Variants in SH3GL2 observed in about 807,000 individuals in gnomAD.
SH3GL2 encodes the protein endophilin-A1.
Under a neutral mutation model 46.0 loss-of-function variants are expected in SH3GL2, and 24 were observed. That is an observed-to-expected ratio of 0.52 (90% CI 0.38 to 0.73). The LOEUF is 0.73. Ranked by LOEUF, SH3GL2 falls within the 30% of genes least tolerant of loss-of-function variation. The pLI is 0.00. For synonymous variants in SH3GL2, 196 were observed against 147.1 expected (o/e 1.33, Z -2.40); for missense variants, 413 against 424.2 (o/e 0.97, Z 0.23).
intron 2 of SH3GL2, among the ~76,000 whole-genome samples, chr9:17,752,632 G>C (rs1423145504): frequency 6.6e-6 from 1 of 152,138 alleles, no homozygotes; most frequent in Admixed American, 6.5e-5. Flanking sequence ...CAAGTAGCTA[G>C]GACTACCAGC....
chr9:17,775,750 C>T lies in SH3GL2; in HGVS notation c.188-10631C>T, dbSNP rs144987611. Among the ~76,000 whole-genome samples, 67 of 152,246 alleles carry T rather than the reference C, an allele frequency of 4.4e-4. No individual in the cohort carries two copies. In the East Asian group the frequency reaches 0.012, roughly 27 times the overall value. On this transcript the variant is annotated intron_variant, in intron 3 of 8. Coordinates refer to ENST00000380607, the MANE Select transcript of SH3GL2 (RefSeq NM_003026.5). ...AGAAACCATGTTTCATGTCTTTGGT[C>T]TTCCCTGATGGATGCTAAAGCCATT...
At chr9:17,670,466 G>C (rs548852930) in intron 1 of SH3GL2, among the ~76,000 whole-genome samples, 1 of 152,204 alleles carries the variant, frequency 6.6e-6, no homozygotes, top group South Asian at 2.1e-4. Context: ...TAATTATAGG[G>C]GCTTTTCAGC....
At chr9:17,697,140 T>G (rs1024384175) in intron 1 of SH3GL2, among the ~76,000 whole-genome samples, 4 of 152,152 alleles carry the variant, frequency 2.6e-5, no homozygotes, top group Non-Finnish European at 5.9e-5. Flanking sequence ...CTGGATAGAT[T>G]GATTGCTAAC....
rs187069324 is a variant in SH3GL2, at chr9:17,596,289, A to G, written c.45+17002A>G. 2.0e-5 allele frequency among the ~76,000 whole-genome samples: 3 copies of G among 152,310 alleles called. No homozygotes were observed. In the East Asian group the frequency reaches 5.8e-4, roughly 29 times the overall value. On this transcript the variant is annotated intron_variant, in intron 1 of 8. Transcript: ENST00000380607. ...TTTCACCAAGAAGATGTGTACAAAC[A>G]TTATAAGTAAGCAGCTGCTAATGAC...
chr9:17,628,931 C>G (rs887743900), intron 1 of SH3GL2, among the ~76,000 whole-genome samples: 2 of 151,876 alleles, frequency 1.3e-5, no homozygotes, highest in African/African-American at 4.8e-5. Flanking sequence ...ATAATACCAA[C>G]TGTTTATAAA....
intron 1 of SH3GL2, among the ~76,000 whole-genome samples, chr9:17,634,156 T>TCTCCACCTCAGGTGGAGGGTGTATGTCC (rs147589651): frequency 2.4e-4 from 37 of 152,264 alleles, no homozygotes; most frequent in African/African-American, 8.2e-4. Flanking sequence ...AGACCACTGG[T>TCTCCACCTCAGGTGGAGGGTGTATGTCC]ACCCTCAGGT....
intron 1 of SH3GL2, among the ~76,000 whole-genome samples, chr9:17,629,624 C>T (rs1465173428): frequency 6.6e-6 from 1 of 152,096 alleles, no homozygotes; most frequent in Admixed American, 6.5e-5. Flanking sequence ...TTTAAAGAAC[C>T]AAGATACTGA....
Position 17,579,156 on chromosome 9 carries a change from A to G in SH3GL2, c.-87A>G, listed in dbSNP as rs879893647. On this transcript the variant is annotated 5_prime_UTR_variant, in exon 1 of 9. Coordinates refer to ENST00000380607, the MANE Select transcript of SH3GL2 (RefSeq NM_003026.5). ...GGCGGCGGCACGACCAGAGGCGGCCAGGGGAGCGCGCCGCCCCGCTCGGCC... is the reference window on the plus strand; with the variant it reads ...GGCGGCGGCACGACCAGAGGCGGCCGGGGGAGCGCGCCGCCCCGCTCGGCC... 3.8e-4 allele frequency: 357 copies of G among 948,290 alleles called. No individual in the cohort carries two copies. Among genetic ancestry groups the G allele is most frequent in the Non-Finnish European group, 5.1e-4 (340 of 669,244 alleles). The allele number at this position is 948,290 out of a possible 1,614,324, so 58.7% of individuals were successfully genotyped here.
At chr9:17,757,952 G>C (rs1823048195) in intron 2 of SH3GL2, among the ~76,000 whole-genome samples, 2 of 152,148 alleles carry the variant, frequency 1.3e-5, no homozygotes, top group Admixed American at 1.3e-4. Context: ...ACACAGTGTA[G>C]TTTAGCAAAA....
intron 3 of SH3GL2, among the ~76,000 whole-genome samples, chr9:17,768,721 G>A (rs1303645480): frequency 2.0e-5 from 3 of 152,078 alleles, no homozygotes; most frequent in African/African-American, 7.2e-5. Flanking sequence ...TTCGACAACT[G>A]TCTTCTCACC....
chr9:17,612,046 G>A (rs955715177), intron 1 of SH3GL2, among the ~76,000 whole-genome samples: 1 of 152,208 alleles, frequency 6.6e-6, no homozygotes, highest in Admixed American at 6.5e-5. Flanking sequence ...GAAATTCTCA[G>A]AGAGAGGAGG....
intron 2 of SH3GL2, among the ~76,000 whole-genome samples, chr9:17,759,978 A>G (rs368342133): frequency 6.6e-6 from 1 of 152,186 alleles, no homozygotes; most frequent in African/African-American, 2.4e-5. Flanking sequence ...TCCCTGGCAT[A>G]AGACATTCTA....
chr9:17,789,334 CA>C (rs1299349927), intron 5 of SH3GL2, 57 bp from the exon 6 acceptor site: 13 of 1,443,492 alleles, frequency 9.0e-6, no homozygotes, highest in Non-Finnish European at 1.3e-5. Context: ...GAAGTGAGCT[CA>C]AATAAGCCTT....
intron 3 of SH3GL2, among the ~76,000 whole-genome samples, chr9:17,769,539 A>AGG (rs1823411330): frequency 6.6e-6 from 1 of 151,986 alleles, no homozygotes; most frequent in Non-Finnish European, 1.5e-5. Flanking sequence ...GTCTTTGCAC[A>AGG]GGTGTTTCTT....
intron 1 of SH3GL2, among the ~76,000 whole-genome samples, chr9:17,579,509 C>G (rs937490361): frequency 1.3e-5 from 2 of 151,982 alleles, no homozygotes; most frequent in African/African-American, 2.4e-5. Flanking sequence ...TGCCTTCCCG[C>G]GGGTCCCCGG....
At chr9:17,633,158 C>T (rs949098359) in intron 1 of SH3GL2, among the ~76,000 whole-genome samples, 2 of 152,120 alleles carry the variant, frequency 1.3e-5, no homozygotes, top group African/African-American at 4.8e-5. Flanking sequence ...GTGAGTGTGC[C>T]CTCAGGAGGG....
intron 3 of SH3GL2, among the ~76,000 whole-genome samples, chr9:17,780,632 C>T (rs1823780508): frequency 8.8e-6 from 1 of 113,692 alleles, no homozygotes; most frequent in Admixed American, 9.3e-5. Flanking sequence ...CCTCCCCCCT[C>T]CCCCGACCCC....
intron 1 of SH3GL2, among the ~76,000 whole-genome samples, chr9:17,657,344 G>A (rs1449362024): frequency 6.6e-6 from 1 of 152,156 alleles, no homozygotes; most frequent in Non-Finnish European, 1.5e-5. Context: ...TCTGGAGCAT[G>A]ATAGGAGAGA....
chr9:17,592,955 G>A (rs1458094643), intron 1 of SH3GL2, among the ~76,000 whole-genome samples: 1 of 152,172 alleles, frequency 6.6e-6, no homozygotes, highest in African/African-American at 2.4e-5. Context: ...GATTTAATCA[G>A]TCATGCCTAT....
Sources: gnomAD v4.1 joint callset for allele counts (sites outside exome capture counted in the v4.1 genomes callset) on GRCh38, gnomAD v4.1.1 for gene constraint, MANE v1.5 for transcripts, NCBI Gene and HGNC (gene_info 2026-07-23, HGNC 2026-07-21) for gene names.